ZNF551: variants seen among roughly 807,000 people sequenced by gnomAD.
ZNF551 encodes KOX 23 protein (56 AA).
In ZNF551, 5 loss-of-function variants were observed where a neutral mutation model predicts 7.9. The observed-to-expected ratio is 0.63, with a 90% CI of 0.33 to 1.33. ZNF551 has a LOEUF of 1.33. Among genes scored for constraint, ZNF551 ranks in the 40% most tolerant of loss-of-function variants. ZNF551 has a pLI of 0.05. For synonymous variants in ZNF551, 287 were observed against 277.3 expected (o/e 1.03, Z -0.35); for missense variants, 788 against 825.2 (o/e 0.95, Z 0.55).
chr19:57,682,118 C>T lies in ZNF551; in HGVS notation c.-46C>T. 6.5e-7 allele frequency: 1 copy of T among 1,529,502 alleles called. No individual in the cohort carries two copies. Among genetic ancestry groups the T allele is most frequent in the African/African-American group, 1.4e-5 (1 of 72,882 alleles). 94.7% of individuals were successfully genotyped at this position (1,529,502 alleles called of 1,614,324 possible). On this transcript the variant is annotated 5_prime_UTR_variant, in exon 1 of 3. Coordinates refer to ENST00000282296, the MANE Select transcript of ZNF551 (RefSeq NM_138347.5). ...TGGGCCAGAGGTTCTGCGACACCAC[C>T]TCGGGTGAGCTGCGCCAGGCCCGGG...
At chr19:57,686,426 C>G in intron 2 of ZNF551, 55 bp from the exon 3 acceptor site, 1 of 1,573,432 alleles carries the variant, frequency 6.4e-7, no homozygotes, top group Non-Finnish European at 8.6e-7. Flanking sequence ...TGTGATACAT[C>G]TTTCTCCTTC....
chr19:57,685,374 T>A lies in ZNF551; in HGVS notation c.194T>A (p.Val65Glu). The change falls in exon 2 of 3, where the codon GTA (valine) becomes GAA (glutamate). Residue 65 changes from valine to glutamate, a missense_variant. Coordinates refer to ENST00000282296, the MANE Select transcript of ZNF551 (RefSeq NM_138347.5). ...GTGATGCTGGAGAACTTTGCACATG[T>A]AACATCCCTGGGTAAGGCCCTAGCA... ...CDVMLENFAH[V>E]TSLGYCHGME... 6.2e-7 allele frequency: 1 copy of A among 1,614,130 alleles called. No individual in the cohort carries two copies. The highest frequency in any genetic ancestry group is 8.5e-7 in the Non-Finnish European group (1 of 1,179,980).
Position 57,687,811 on chromosome 19 carries a change from T to C in ZNF551, c.1536T>C (p.Phe512=). 6.2e-7 allele frequency: 1 copy of C among 1,614,140 alleles called. No individual in the cohort carries two copies. The highest frequency in any genetic ancestry group is 1.1e-5 in the South Asian group (1 of 91,080). ...PYECSECGKS[F]TRKSDLIQHR... ...AATGCAGTGAATGTGGAAAATCCTT[T>C]ACCCGCAAATCTGACCTCATTCAAC... Residue 512 remains phenylalanine (F), a synonymous_variant, in exon 3 of 3, where the codon TTT becomes TTC. Coordinates refer to ENST00000282296, the MANE Select transcript of ZNF551 (RefSeq NM_138347.5).
chr19:57,687,318 C>G lies in ZNF551; in HGVS notation c.1043C>G (p.Ser348Cys), dbSNP rs867755826. The change falls in exon 3 of 3, where the codon TCT (serine) becomes TGT (cysteine). Residue 348 changes from serine to cysteine, a missense_variant. By Grantham distance (112) the Ser-to-Cys change is moderately radical. Transcript: ENST00000282296. ...TGTAGGAAAACCTTTAGCTACAAAT[C>G]TAACCTCATTGAACACCAGAGAGTT... ...GECRKTFSYK[S>C]NLIEHQRVHT... 1.2e-6 allele frequency: 2 copies of G among 1,614,084 alleles called. No homozygotes were observed. Among genetic ancestry groups the G allele is most frequent in the Admixed American group, 1.7e-5 (1 of 60,004 alleles).
At position 57,688,182 on chromosome 19, in the gene ZNF551, T is replaced by C; in HGVS notation, c.1907T>C (p.Val636Ala). 3 of 1,613,976 alleles carry C rather than the reference T, an allele frequency of 1.9e-6. No homozygotes were observed. Among genetic ancestry groups the C allele is most frequent in the Non-Finnish European group, 2.5e-6 (3 of 1,180,014 alleles). The change falls in exon 3 of 3, where the codon GTT becomes GCT. Residue 636 changes from valine (V) to alanine (A), a missense_variant. Coordinates refer to ENST00000282296, the MANE Select transcript of ZNF551 (RefSeq NM_138347.5). ...HKSDLIQHQRVHTGERPYECS... is the reference protein window; with the variant it reads ...HKSDLIQHQRAHTGERPYECS... Reference sequence around the variant, plus strand: ...TCAGACCTTATTCAGCACCAAAGAGTTCACACTGGAGAAAGGCCTTATGAA... The same window carrying C: ...TCAGACCTTATTCAGCACCAAAGAGCTCACACTGGAGAAAGGCCTTATGAA...
At chr19:57,685,624 T>C (rs918960124) in intron 2 of ZNF551, among the ~76,000 whole-genome samples, 1 of 152,246 alleles carries the variant, frequency 6.6e-6, no homozygotes, top group Admixed American at 6.5e-5. Context: ...TTACTACTTA[T>C]GTGAACTATG....
chr19:57,684,092 T>TG (rs1202743093), intron 1 of ZNF551, among the ~76,000 whole-genome samples: 1 of 152,018 alleles, frequency 6.6e-6, no homozygotes. Context: ...GAAGAGGCCT[T>TG]GGTTATCTGA....
Position 57,688,864 on chromosome 19 carries a change from T to C in ZNF551, c.*576T>C, listed in dbSNP as rs1157086495. On this transcript the variant is annotated 3_prime_UTR_variant, in exon 3 of 3. Coordinates refer to ENST00000282296, the MANE Select transcript of ZNF551 (RefSeq NM_138347.5). Reference sequence around the variant, plus strand: ...TTTTTATAAAGGTTTTAAAAAAATTTACGCACCTTTAATCTTGGGTGTTCT... The same window carrying C: ...TTTTTATAAAGGTTTTAAAAAAATTCACGCACCTTTAATCTTGGGTGTTCT... 4 of 154,338 alleles carry C rather than the reference T, an allele frequency of 2.6e-5. No individual in the cohort carries two copies. Among genetic ancestry groups the C allele is most frequent in the Non-Finnish European group, 5.8e-5 (4 of 69,446 alleles). 9.6% of individuals were successfully genotyped at this position (154,338 alleles called of 1,614,324 possible). A position where few individuals can be genotyped will look rare whatever the true frequency, so the allele number is the denominator to read the frequency against.
Position 57,687,247 on chromosome 19 carries a change from C to A in ZNF551, c.972C>A (p.His324Gln). The change falls in exon 3 of 3, where the codon CAC becomes CAA. Residue 324 changes from histidine to glutamine, a missense_variant. His to Gln is a conservative substitution (Grantham distance 24). Transcript: ENST00000282296. ...KAFIHKSEFI[H>Q]HQRRHTGGVR... ...TTATCCATAAATCTGAATTCATTCA[C>A]CACCAGAGACGTCACACTGGAGGAG... 6.2e-7 allele frequency: 1 copy of A among 1,613,756 alleles called. No homozygotes were observed. Among genetic ancestry groups the A allele is most frequent in the Non-Finnish European group, 8.5e-7 (1 of 1,179,904 alleles).
chr19:57,684,973 A>G (rs1984508847), intron 1 of ZNF551, among the ~76,000 whole-genome samples: 1 of 152,104 alleles, frequency 6.6e-6, no homozygotes, highest in Admixed American at 6.5e-5. Flanking sequence ...GATCACTCAC[A>G]CCCTGTCTAT....
intron 1 of ZNF551, 89 bp downstream of exon 1, chr19:57,682,333 C>T (rs1028539456): frequency 2.9e-6 from 4 of 1,386,240 alleles, no homozygotes; most frequent in East Asian, 2.5e-5. Context: ...GCCCTGCAGC[C>T]CAGGCCCCAG....
In ZNF551 at chr19:57,686,782, T is replaced by C. The variant is rs1984569859; in HGVS notation, c.507T>C (p.Phe169=). 6.2e-7 allele frequency: 1 copy of C among 1,614,118 alleles called. No homozygotes were observed. Among genetic ancestry groups the C allele is most frequent in the South Asian group, 1.1e-5 (1 of 91,084 alleles). ...PWKRKVDEAT[F]VTGCRFHVLN... Reference sequence around the variant, plus strand: ...AAAGGAAGGTGGATGAGGCTACATTTGTGACCGGCTGCAGATTCCATGTGT... The same window carrying C: ...AAAGGAAGGTGGATGAGGCTACATTCGTGACCGGCTGCAGATTCCATGTGT... Residue 169 remains phenylalanine (F), a synonymous_variant, in exon 3 of 3, where the codon TTT becomes TTC. Coordinates refer to ENST00000282296, the MANE Select transcript of ZNF551 (RefSeq NM_138347.5).
chr19:57,682,645 A>G (rs898213675), intron 1 of ZNF551, among the ~76,000 whole-genome samples: 4 of 152,184 alleles, frequency 2.6e-5, no homozygotes, highest in African/African-American at 9.6e-5. Flanking sequence ...CAGGCTGAAG[A>G]GAGGTAATAG....
In ZNF551 at chr19:57,682,153, G is replaced by A; in HGVS notation, c.-11G>A. The A allele has an allele frequency of 6.5e-7, 1 of 1,547,666 alleles. No individual in the cohort carries two copies. Among genetic ancestry groups the A allele is most frequent in the Non-Finnish European group, 8.7e-7 (1 of 1,146,716 alleles). On this transcript the variant is annotated 5_prime_UTR_variant, in exon 1 of 3. Transcript: ENST00000282296. ...CTGCGCCAGGCCCGGGATAGGGACT[G>A]TTGTGTTCGAATGCCCGCCCCGGTC... is the stretch of plus-strand genomic sequence containing the variant.
rs1409190780 is a variant in ZNF551 at position 57,685,583 on chromosome 19, C to T, written c.205+198C>T. 4 of 744,714 alleles carry T rather than the reference C, an allele frequency of 5.4e-6. No homozygotes were observed. In the South Asian group the frequency reaches 6.4e-5, roughly 12 times the overall value. 46.1% of individuals were successfully genotyped at this position (744,714 alleles called of 1,614,324 possible). A position where few individuals can be genotyped will look rare whatever the true frequency, so the allele number is the denominator to read the frequency against. On this transcript the variant is annotated intron_variant, in intron 2 of 2. Coordinates refer to ENST00000282296, the MANE Select transcript of ZNF551 (RefSeq NM_138347.5). Reference sequence around the variant, plus strand: ...TCTAGCTGCCATTTCCTTATGTCCACCTATATCAGAAATTACAGGCATTGT... The same window carrying T: ...TCTAGCTGCCATTTCCTTATGTCCATCTATATCAGAAATTACAGGCATTGT...
At position 57,686,848 on chromosome 19, in the gene ZNF551, G is replaced by T. The variant is rs140827099; in HGVS notation, c.573G>T (p.Thr191=). 38 of 1,614,006 alleles carry T rather than the reference G, an allele frequency of 2.4e-5. No individual in the cohort carries two copies. Among genetic ancestry groups the T allele is most frequent in the Non-Finnish European group, 3.2e-5 (38 of 1,180,022 alleles). ...FTCGEAFPAP[T]DLLQHEATPS... is the part of the protein sequence containing the mutation. ...GTGGGGAGGCCTTCCCAGCCCCCAC[G>T]GACCTACTCCAACACGAAGCCACTC... The change falls in exon 3 of 3, where the codon ACG becomes ACT. Residue 191 remains threonine, a synonymous_variant. Transcript: ENST00000282296.
chr19:57,683,621 C>A (rs936943025), intron 1 of ZNF551, among the ~76,000 whole-genome samples: 2 of 151,986 alleles, frequency 1.3e-5, no homozygotes, highest in African/African-American at 4.8e-5. Context: ...AGAGGGGAAG[C>A]CTGCTCACAA....
chr19:57,688,472 T>G lies in ZNF551; in HGVS notation c.*184T>G. 1 of 801,126 alleles carries G rather than the reference T, an allele frequency of 1.2e-6. No homozygotes were observed. The highest frequency in any genetic ancestry group is 2.0e-5 in the South Asian group (1 of 50,450). 49.6% of individuals were successfully genotyped at this position (801,126 alleles called of 1,614,324 possible). On this transcript the variant is annotated 3_prime_UTR_variant, in exon 3 of 3. Coordinates refer to ENST00000282296, the MANE Select transcript of ZNF551 (RefSeq NM_138347.5). Reference sequence around the variant, plus strand: ...AATCTGCCGAGGCCTATAGCCTGATTTATGTCACTGCCAATTTCTGAGGCT... The same window carrying G: ...AATCTGCCGAGGCCTATAGCCTGATGTATGTCACTGCCAATTTCTGAGGCT...
chr19:57,688,908 C>G lies in ZNF551; in HGVS notation c.*620C>G, dbSNP rs1450029025. The G allele has an allele frequency of 6.5e-6, 1 of 153,470 alleles. No individual in the cohort carries two copies. Among genetic ancestry groups the G allele is most frequent in the East Asian group, 1.9e-4 (1 of 5,208 alleles). 9.5% of individuals were successfully genotyped at this position (153,470 alleles called of 1,614,324 possible). A position where few individuals can be genotyped will look rare whatever the true frequency, so the allele number is the denominator to read the frequency against. On this transcript the variant is annotated 3_prime_UTR_variant, in exon 3 of 3. Coordinates refer to ENST00000282296, the MANE Select transcript of ZNF551 (RefSeq NM_138347.5). ...GTGTTCTATTCATTGCATAGAATGACTTGTAAGCAGAATAGTGATGTCAGC... is the reference window on the plus strand; with the variant it reads ...GTGTTCTATTCATTGCATAGAATGAGTTGTAAGCAGAATAGTGATGTCAGC...
Sources: gnomAD v4.1 joint callset for allele counts (sites outside exome capture counted in the v4.1 genomes callset) on GRCh38, gnomAD v4.1.1 for gene constraint, MANE v1.5 for transcripts, NCBI Gene and HGNC (gene_info 2026-07-23, HGNC 2026-07-21) for gene names.